Variants in ARMC3 observed in about 807,000 individuals in gnomAD.
The protein encoded by ARMC3 is armadillo repeat containing 3, also known as armadillo repeat-containing protein 3.
A neutral mutation model predicts 90.3 loss-of-function variants in ARMC3; 74 were observed. The observed-to-expected ratio is 0.82, with a 90% CI of 0.68 to 0.99. The LOEUF is 0.99. Among genes scored for constraint, ARMC3 ranks in the 50% least tolerant of loss-of-function variants. The probability of loss-of-function intolerance (pLI) is 0.00; values close to 1 mark genes in which losing one functional copy is unlikely to be tolerated. For missense variants in ARMC3, 958 were observed against 1,042.8 expected (o/e 0.92, Z 1.12); for synonymous variants, 334 against 361.8 (o/e 0.92, Z 0.87).
chr10:23,012,708 T>C (rs1838072234), intron 16 of ARMC3, among the ~76,000 whole-genome samples: 1 of 152,164 alleles, frequency 6.6e-6, no homozygotes, highest in Admixed American at 6.5e-5. Flanking sequence ...CTATCCACTC[T>C]ATGTCTTAAC....
intron 8 of ARMC3, among the ~76,000 whole-genome samples, chr10:22,979,670 A>T (rs1044063724): frequency 2.0e-5 from 3 of 152,158 alleles, no homozygotes; most frequent in Non-Finnish European, 2.9e-5. Flanking sequence ...GACTCTGGAA[A>T]AGTTTTGGAT....
chr10:23,003,161 C>A (rs1837396020), intron 12 of ARMC3, 85 bp from the exon 13 acceptor site: 1 of 1,245,476 alleles, frequency 8.0e-7, no homozygotes, highest in Non-Finnish European at 1.1e-6. Flanking sequence ...ATTCTTCCTT[C>A]AGGATCTGAA....
chr10:22,985,698 G>A (rs796514036), intron 10 of ARMC3, among the ~76,000 whole-genome samples: 11 of 152,286 alleles, frequency 7.2e-5, no homozygotes, highest in Non-Finnish European at 1.3e-4. Context: ...TTATGGATAC[G>A]TGGATATGGA....
At chr10:23,034,352 A>G (rs1175485333) in intron 18 of ARMC3, among the ~76,000 whole-genome samples, 1 of 152,214 alleles carries the variant, frequency 6.6e-6, no homozygotes, top group African/African-American at 2.4e-5. Context: ...TATTACCATG[A>G]CTAACATCAT....
chr10:22,940,110 A>G (rs539486203), intron 2 of ARMC3, among the ~76,000 whole-genome samples: 85 of 152,332 alleles, frequency 5.6e-4, no homozygotes, highest in African/African-American at 2.0e-3. Flanking sequence ...CACTAATCAT[A>G]AGAAATCTGC....
At chr10:23,008,406 C>A in intron 15 of ARMC3, 32 bp downstream of exon 15, 1 of 1,177,778 alleles carries the variant, frequency 8.5e-7, no homozygotes, top group Non-Finnish European at 1.2e-6. Flanking sequence ...TGTATGCAAA[C>A]AGCTTCCCCT....
At chr10:22,978,678 T>C (rs1836047412) in intron 8 of ARMC3, among the ~76,000 whole-genome samples, 1 of 152,232 alleles carries the variant, frequency 6.6e-6, no homozygotes, top group South Asian at 2.1e-4. Flanking sequence ...ATAAGAAAGC[T>C]ATATCCTAAT....
intron 8 of ARMC3, among the ~76,000 whole-genome samples, chr10:22,978,558 T>A: frequency 6.6e-6 from 1 of 152,220 alleles, no homozygotes; most frequent in Non-Finnish European, 1.5e-5. Context: ...CTACTTTGTA[T>A]ATAAACTCCT....
At chr10:22,983,497 T>C (rs2131346342) in intron 10 of ARMC3, among the ~76,000 whole-genome samples, 1 of 152,376 alleles carries the variant, frequency 6.6e-6, no homozygotes, top group East Asian at 1.9e-4. Flanking sequence ...CTTGTAAGTT[T>C]TTAATTGCAG....
At chr10:22,946,312 T>C (rs1256324729) in intron 3 of ARMC3, 51 bp downstream of exon 3, 1 of 1,278,770 alleles carries the variant, frequency 7.8e-7, no homozygotes. Flanking sequence ...TCTTAAAATA[T>C]TTACTACCTC....
chr10:23,002,388 C>T (rs1361759057), intron 12 of ARMC3, among the ~76,000 whole-genome samples: 1 of 152,138 alleles, frequency 6.6e-6, no homozygotes, highest in Non-Finnish European at 1.5e-5. Flanking sequence ...ATTAAATGGG[C>T]GAGCTGTGTC....
intron 10 of ARMC3, among the ~76,000 whole-genome samples, chr10:22,984,751 G>A (rs1836339982): frequency 6.6e-6 from 1 of 152,126 alleles, no homozygotes. Flanking sequence ...TGGTATTCAT[G>A]AATGAGGTTT....
chr10:22,979,047 A>G (rs569608672), intron 8 of ARMC3, among the ~76,000 whole-genome samples: 3 of 152,328 alleles, frequency 2.0e-5, no homozygotes, highest in African/African-American at 7.2e-5. Flanking sequence ...GTTAATTACC[A>G]TGTTGCCATG....
rs1251185507 is a variant in ARMC3, at chr10:22,998,355, C to T, written c.1383C>T (p.Leu461=). 3 of 1,613,918 alleles carry T rather than the reference C, an allele frequency of 1.9e-6. No individual in the cohort carries two copies. Among genetic ancestry groups the T allele is most frequent in the East Asian group, 2.2e-5 (1 of 44,870 alleles). ...ANTVVQSKAA[L]AVTATACDVE... ...CAGTCGTGCAGAGCAAAGCTGCTCT[C>T]GCTGTCACCGCAACTGCGTGTGACG... The change falls in exon 11 of 19, where the codon CTC becomes CTT. Residue 461 remains leucine (L), a synonymous_variant. Transcript: ENST00000298032.
chr10:22,975,457 C>T (rs1310061369), intron 8 of ARMC3, among the ~76,000 whole-genome samples: 5 of 151,948 alleles, frequency 3.3e-5, no homozygotes, highest in African/African-American at 9.7e-5. Context: ...CCCAGCTACT[C>T]GGGAGGCTGA....
At chr10:22,979,424 T>C (rs748490844) in intron 8 of ARMC3, among the ~76,000 whole-genome samples, 51 of 152,330 alleles carry the variant, frequency 3.3e-4, no homozygotes, top group Non-Finnish European at 5.1e-4. Flanking sequence ...CCCAGCAAGG[T>C]TGAGAAACTA....
chr10:22,998,167 GGT>G lies in ARMC3; in HGVS notation c.1196_1197del (p.Gly399AspfsTer2). 5 of 1,613,850 alleles carry G rather than the reference GGT, an allele frequency of 3.1e-6. No homozygotes were observed. The highest frequency in any genetic ancestry group is 4.2e-6 in the Non-Finnish European group (5 of 1,179,922). On this transcript the variant is annotated frameshift_variant, in exon 11 of 19. Coordinates refer to ENST00000298032, the MANE Select transcript of ARMC3 (RefSeq NM_173081.5). LOFTEE classifies it high-confidence loss of function. ...ANANAAAEAD[G>X]IDPLINLLSS... The stretch of plus-strand genomic sequence containing the variant: ...ACTCAGCGCTGCTGCTGAAGCTGAT[GGT>G]ATTGATCCATTAATAAACCTCCTGT...
At chr10:22,930,578 G>T (rs1348758093) in intron 1 of ARMC3, among the ~76,000 whole-genome samples, 1 of 152,184 alleles carries the variant, frequency 6.6e-6, no homozygotes, top group Non-Finnish European at 1.5e-5. Context: ...TGAAGTTAGA[G>T]ACCTAGAATA....
chr10:23,031,022 C>A, intron 17 of ARMC3: 1 of 460,862 alleles, frequency 2.2e-6, no homozygotes, highest in Non-Finnish European at 3.8e-6. Context: ...AAGAAAAATG[C>A]CTGTCATTTT....
Sources: gnomAD v4.1 joint callset for allele counts (sites outside exome capture counted in the v4.1 genomes callset) on GRCh38, gnomAD v4.1.1 for gene constraint, MANE v1.5 for transcripts, NCBI Gene and HGNC (gene_info 2026-07-23, HGNC 2026-07-21) for gene names.